FAP: variants seen among roughly 807,000 people sequenced by gnomAD.
FAP encodes the protein prolyl endopeptidase FAP.
In FAP, 110 loss-of-function variants were observed where a neutral mutation model predicts 126.5. The observed-to-expected ratio is 0.87, with a 90% CI of 0.74 to 1.02. FAP has a LOEUF of 1.02. Ranked by LOEUF, FAP falls within the 50% of genes least tolerant of loss-of-function variation. The probability of loss-of-function intolerance (pLI) is 0.00; values close to 1 mark genes in which losing one functional copy is unlikely to be tolerated. For synonymous variants in FAP, 334 were observed against 297.3 expected, an observed-to-expected ratio of 1.12 and a Z score of -1.27; for missense variants, 919 against 909.2, an observed-to-expected ratio of 1.01 and a Z score of -0.14.
At position 162,232,620 on chromosome 2, in the gene FAP, A is replaced by G. The variant is rs77124148; in HGVS notation, c.92-5999T>C. The stretch of plus-strand genomic sequence containing the variant: ...TGCTACTATTATTACTGCCTACTTG[A>G]AGAATGTCTCAGCTCTAACAGCAAT... On this transcript the variant is annotated intron_variant, in intron 2 of 25. Transcript: ENST00000188790. 4.9e-3 allele frequency among the ~76,000 whole-genome samples: 753 copies of G among 152,304 alleles called. 14 individuals carry two copies. The highest frequency in any genetic ancestry group is 4.0e-3 in the Non-Finnish European group (275 of 68,022).
intron 20 of FAP, among the ~76,000 whole-genome samples, chr2:162,187,506 A>G (rs569095858): frequency 2.0e-5 from 3 of 152,208 alleles, no homozygotes; most frequent in African/African-American, 4.8e-5. Flanking sequence ...AAAAGCCACA[A>G]TTTTGGTGCC....
At chr2:162,221,361 C>G (rs1031717030) in intron 6 of FAP, among the ~76,000 whole-genome samples, 6 of 152,046 alleles carry the variant, frequency 3.9e-5, no homozygotes, top group Non-Finnish European at 5.9e-5. Flanking sequence ...GAAACCCCGT[C>G]CCCACAGAAA....
intron 14 of FAP, 50 bp downstream of exon 14, chr2:162,202,822 C>T (rs774784426): frequency 5.3e-6 from 7 of 1,325,910 alleles, no homozygotes; most frequent in Non-Finnish European, 7.6e-6. Context: ...TTATGTCCAT[C>T]GGTGCCAATT....
At chr2:162,189,778 T>A in intron 17 of FAP, 24 bp from the exon 18 acceptor site, 1 of 1,331,102 alleles carries the variant, frequency 7.5e-7, no homozygotes, top group Non-Finnish European at 1.1e-6. Flanking sequence ...AATGTTCATT[T>A]TTAATCAATA....
chr2:162,197,536 C>A (rs768443135), intron 16 of FAP: 17 of 456,312 alleles, frequency 3.7e-5, no homozygotes, highest in South Asian at 2.5e-4. Context: ...TGCCATTGAC[C>A]AAACATTTTA....
Position 162,225,294 on chromosome 2 carries a change from G to A in FAP, c.285+189C>T, listed in dbSNP as rs115270136. Among the ~76,000 whole-genome samples the A allele has an allele frequency of 2.4e-3, 360 of 152,298 alleles. 1 individual carries two copies. The highest frequency in any genetic ancestry group is 8.3e-3 in the African/African-American group (346 of 41,574). ...TATTCAAAGAGGAGGAAAGATGCTA[G>A]TTGATTTACAAGAAGGCAAAGACAG... On this transcript the variant is annotated intron_variant, in intron 4 of 25. Coordinates refer to ENST00000188790, the MANE Select transcript of FAP (RefSeq NM_004460.5).
At position 162,218,086 on chromosome 2, in the gene FAP, A is replaced by G. The variant is rs1576180758; in HGVS notation, c.662T>C (p.Leu221Ser). 1 of 1,608,602 alleles carries G rather than the reference A, an allele frequency of 6.2e-7. No individual in the cohort carries two copies. ...CGTATCATTAAATTCCGCATATGCC[A>G]AAAATTTTCCATTAGGAGACCACCA... ...ALWWSPNGKF[L>S]AYAEFNDTDI... The change falls in exon 9 of 26, where the codon TTG (leucine) becomes TCG (serine). Residue 221 changes from leucine (L) to serine (S), a missense_variant. Leu to Ser is a moderately radical substitution (Grantham distance 145). Transcript: ENST00000188790.
At chr2:162,194,852 C>A (rs963477317) in intron 16 of FAP, 104 bp from the exon 17 acceptor site, 2 of 969,130 alleles carry the variant, frequency 2.1e-6, no homozygotes, top group Non-Finnish European at 3.3e-6. Context: ...AGTGCCAGTA[C>A]ATCTTTTAAT....
chr2:162,242,766 G>A (rs1390381713), intron 2 of FAP, 142 bp downstream of exon 2: 7 of 636,372 alleles, frequency 1.1e-5, no homozygotes, highest in Non-Finnish European at 1.4e-5. Context: ...CAACATATCT[G>A]TGAGCTTATA....
At chr2:162,198,398 T>C in intron 16 of FAP, 1 of 1,246,626 alleles carries the variant, frequency 8.0e-7, no homozygotes, top group Non-Finnish European at 1.0e-6. Flanking sequence ...GCTCAGGTCT[T>C]GCGAAGCCTA....
At chr2:162,220,052 C>T in intron 6 of FAP, 127 bp from the exon 7 acceptor site, 1 of 663,554 alleles carries the variant, frequency 1.5e-6, no homozygotes, top group Non-Finnish European at 2.6e-6. Context: ...CACCCACAAA[C>T]CTAATGAAAA....
Position 162,172,827 on chromosome 2 carries a change from A to G in FAP, c.2165T>C (p.Val722Ala). ...QIAKALVNAQ[V>A]DFQAMWYSDQ... ...ATTATGTACCATTGCCTGGAAATCC[A>G]CTTGTGCATTAACCAGAGCTTTAGC... The change falls in exon 25 of 26, where the codon GTG (valine) becomes GCG (alanine). Residue 722 changes from valine to alanine, a missense_variant. Physicochemically the swap from Val to Ala is moderately conservative, Grantham distance 64 (BLOSUM62 0). Transcript: ENST00000188790. The G allele has an allele frequency of 6.2e-7, 1 of 1,612,504 alleles. No individual in the cohort carries two copies. Among genetic ancestry groups the G allele is most frequent in the Non-Finnish European group, 8.5e-7 (1 of 1,178,804 alleles).
At position 162,202,860 on chromosome 2, in the gene FAP, T is replaced by C. The variant is rs1308676762; in HGVS notation, c.1223+12A>G. 1.9e-6 allele frequency: 3 copies of C among 1,608,230 alleles called. No homozygotes were observed. Among genetic ancestry groups the C allele is most frequent in the South Asian group, 2.2e-5 (2 of 90,938 alleles). On this transcript the variant is annotated intron_variant, in intron 14 of 25. Transcript: ENST00000188790. ...AACCTGAATGGTGCATCGTGCTTCG[T>C]GCAATACTTACAGTGAATCCTGTGT...
chr2:162,183,552 G>T, intron 20 of FAP, 84 bp from the exon 21 acceptor site: 1 of 783,704 alleles, frequency 1.3e-6, no homozygotes, highest in Non-Finnish European at 2.2e-6. Flanking sequence ...TTAATCCAAA[G>T]ATTTAATAGA....
At chr2:162,223,307 C>T (rs79339540) in intron 6 of FAP, among the ~76,000 whole-genome samples, 5,256 of 152,108 alleles carry the variant, frequency 0.035, 324 homozygotes, top group African/African-American at 0.12. Flanking sequence ...TGTTTTTGTG[C>T]TTTCCTATAT....
intron 12 of FAP, among the ~76,000 whole-genome samples, chr2:162,205,570 A>AT (rs766277715): frequency 5.9e-4 from 89 of 151,734 alleles, no homozygotes; most frequent in Non-Finnish European, 1.1e-3. Flanking sequence ...TGGAGTGCAA[A>AT]TAGCGTGGTC....
intron 12 of FAP, among the ~76,000 whole-genome samples, chr2:162,205,106 C>T (rs1223403776): frequency 1.3e-5 from 2 of 152,206 alleles, no homozygotes; most frequent in African/African-American, 4.8e-5. Context: ...TGGCTGCTCA[C>T]ATTGCTGGGC....
chr2:162,200,600 A>G lies in FAP; in HGVS notation c.1243T>C (p.Phe415Leu). 1 of 1,462,628 alleles carries G rather than the reference A, an allele frequency of 6.8e-7. No homozygotes were observed. The highest frequency in any genetic ancestry group is 1.4e-5 in the African/African-American group (1 of 70,270). The allele number at this position is 1,462,628 out of a possible 1,614,324, so 90.6% of individuals were successfully genotyped here. A position where few individuals can be genotyped will look rare whatever the true frequency, so the allele number is the denominator to read the frequency against. ...QDSLFYSSNE[F>L]EEYPGRRNIY... ...TTTCTTCTTCCAGGGTATTCTTCAA[A>G]TTCATTGCTAGAATAAAACCTGAAA... The change falls in exon 15 of 26, where the codon TTT becomes CTT. Residue 415 changes from phenylalanine (F) to leucine (L), a missense_variant. Coordinates refer to ENST00000188790, the MANE Select transcript of FAP (RefSeq NM_004460.5).
chr2:162,242,853 A>G, intron 2 of FAP, 55 bp downstream of exon 2: 1 of 1,301,990 alleles, frequency 7.7e-7, no homozygotes, highest in East Asian at 2.3e-5. Flanking sequence ...ATCTTGCATT[A>G]GTACATTTTC....
Sources: allele counts gnomAD v4.1 joint callset (sites outside exome capture counted in the v4.1 genomes callset), GRCh38; gene constraint gnomAD v4.1.1; transcripts MANE v1.5; gene names NCBI Gene and HGNC (gene_info 2026-07-23, HGNC 2026-07-21).